Variants in ITCH observed in about 807,000 individuals in gnomAD.
ITCH encodes the protein E3 ubiquitin-protein ligase Itchy homolog.
A neutral mutation model predicts 126.8 loss-of-function variants in ITCH; 28 were observed. The observed-to-expected ratio is 0.22, with a 90% CI of 0.16 to 0.30. The LOEUF (loss-of-function observed/expected upper bound fraction) is 0.30. Among genes scored for constraint, ITCH ranks in the 10% least tolerant of loss-of-function variants. The pLI is 1.00. For missense variants in ITCH, 631 were observed against 1,032.4 expected (o/e 0.61, Z 5.33); for synonymous variants, 342 against 340.0 (o/e 1.01, Z -0.06).
chr20:34,457,272 T>G lies in ITCH; in HGVS notation c.1211-118T>G. 3 of 738,194 alleles carry G rather than the reference T, an allele frequency of 4.1e-6. No homozygotes were observed. The South Asian group carries it at 4.7e-5, about 11-fold the overall frequency. The allele number at this position is 738,194 out of a possible 1,614,324, so 45.7% of individuals were successfully genotyped here. ...CCTTTTAAAGCTGTGATTTAAAAAC[T>G]ATAAAATAAACAATGAAATGAGAAA... On this transcript the variant is annotated intron_variant, in intron 12 of 24. Coordinates refer to ENST00000374864, the MANE Select transcript of ITCH (RefSeq NM_031483.7).
chr20:34,410,932 C>T (rs181618195), intron 4 of ITCH, among the ~76,000 whole-genome samples: 86 of 152,254 alleles, frequency 5.6e-4, no homozygotes, highest in Non-Finnish European at 1.0e-3. Context: ...ATTTGGGAAA[C>T]TTACAATTCA....
At chr20:34,374,993 G>A (rs1452386663) in intron 2 of ITCH, among the ~76,000 whole-genome samples, 5 of 150,778 alleles carry the variant, frequency 3.3e-5, no homozygotes, top group Admixed American at 6.6e-5. Flanking sequence ...CACCCGCCTC[G>A]GCCTCCCAAA....
Position 34,481,113 on chromosome 20 carries a change from A to G in ITCH, c.2000A>G (p.Asp667Gly). Residue 667 changes from aspartate to glycine, a missense_variant, in exon 20 of 25, where the codon GAC (aspartate) becomes GGC (glycine). By Grantham distance (94) the Asp-to-Gly change is moderately conservative. Coordinates refer to ENST00000374864, the MANE Select transcript of ITCH (RefSeq NM_031483.7). ...ECDLEMYFSV[D>G]KEILGEIKSH... ...GATTTGGAAATGTACTTCTCCGTTGACAAAGAAATTCTAGGTGAAATTAAG... is the reference window on the plus strand; with the variant it reads ...GATTTGGAAATGTACTTCTCCGTTGGCAAAGAAATTCTAGGTGAAATTAAG... The G allele has an allele frequency of 1.2e-6, 2 of 1,613,554 alleles. No homozygotes were observed. The highest frequency in any genetic ancestry group is 1.7e-6 in the Non-Finnish European group (2 of 1,179,624).
At chr20:34,425,792 A>G (rs978804446) in intron 7 of ITCH, among the ~76,000 whole-genome samples, 2 of 152,206 alleles carry the variant, frequency 1.3e-5, no homozygotes, top group Admixed American at 6.5e-5. Context: ...TCCCCTCGCC[A>G]AGATAGTAAA....
intron 13 of ITCH, among the ~76,000 whole-genome samples, chr20:34,461,823 CTTGG>C (rs1382223285): frequency 1.3e-5 from 2 of 149,880 alleles, no homozygotes; most frequent in East Asian, 4.0e-4. Flanking sequence ...ATGGTTAGAA[CTTGG>C]TTAACAAAAT....
chr20:34,451,913 A>T (rs1017406329), intron 12 of ITCH, among the ~76,000 whole-genome samples: 8 of 151,970 alleles, frequency 5.3e-5, no homozygotes, highest in Non-Finnish European at 7.4e-5. Flanking sequence ...ATAAAAAAAT[A>T]CAAAAAATAA....
At chr20:34,496,080 T>C (rs932450918) in intron 23 of ITCH, among the ~76,000 whole-genome samples, 6 of 151,982 alleles carry the variant, frequency 3.9e-5, no homozygotes, top group African/African-American at 1.4e-4. Context: ...TCTCAAGAAG[T>C]TAAGAAGAAG....
chr20:34,423,553 C>T (rs1981084743), intron 6 of ITCH, among the ~76,000 whole-genome samples: 2 of 152,080 alleles, frequency 1.3e-5, no homozygotes, highest in African/African-American at 4.8e-5. Context: ...TCCCTGTTTA[C>T]CATTTGTTTT....
chr20:34,396,779 T>G (rs1045178892), intron 3 of ITCH, among the ~76,000 whole-genome samples: 3 of 152,184 alleles, frequency 2.0e-5, no homozygotes, highest in Non-Finnish European at 4.4e-5. Context: ...TCTGTTCACG[T>G]CCTTTGTTTG....
At position 34,442,232 on chromosome 20, in the gene ITCH, C is replaced by T. The variant is rs753960712; in HGVS notation, c.894C>T (p.His298=). 15 of 1,613,852 alleles carry T rather than the reference C, an allele frequency of 9.3e-6. No individual in the cohort carries two copies. Among genetic ancestry groups the T allele is most frequent in the Non-Finnish European group, 1.2e-5 (14 of 1,179,806 alleles). ...GTTGGGAGCAGAGAGTGGACCAGCA[C>T]GGGCGAGTTTACTATGTAGATCATG... ...PPGWEQRVDQ[H]GRVYYVDHVE... is the part of the protein sequence containing the mutation. The change falls in exon 10 of 25, where the codon CAC becomes CAT. Residue 298 remains histidine (H), a synonymous_variant. Coordinates refer to ENST00000374864, the MANE Select transcript of ITCH (RefSeq NM_031483.7).
At chr20:34,440,098 A>G (rs1329200527) in intron 8 of ITCH, 57 bp from the exon 9 acceptor site, 4 of 1,254,276 alleles carry the variant, frequency 3.2e-6, no homozygotes, top group Non-Finnish European at 4.7e-6. Flanking sequence ...TTAAAATTCT[A>G]TCCTGAATTT....
At position 34,438,549 on chromosome 20, in the gene ITCH, T is replaced by C. The variant is rs1353381831; in HGVS notation, c.597T>C (p.Ser199=). Residue 199 remains serine (S), a synonymous_variant, in exon 8 of 25, where the codon TCT becomes TCC. Coordinates refer to ENST00000374864, the MANE Select transcript of ITCH (RefSeq NM_031483.7). ...GENRRVSGNN[S]PSLSNGGFKP... Reference sequence around the variant, plus strand: ...ATAGGAGAGTCAGTGGGAATAATTCTCCATCACTCTCAAATGGTGGTTTTA... The same window carrying C: ...ATAGGAGAGTCAGTGGGAATAATTCCCCATCACTCTCAAATGGTGGTTTTA... The C allele has an allele frequency of 1.2e-6, 2 of 1,613,980 alleles. No individual in the cohort carries two copies. Among genetic ancestry groups the C allele is most frequent in the Non-Finnish European group, 1.7e-6 (2 of 1,179,902 alleles).
chr20:34,468,034 CTT>C (rs35748150), intron 14 of ITCH, among the ~76,000 whole-genome samples: 119 of 121,478 alleles, frequency 9.8e-4, no homozygotes, highest in Admixed American at 9.3e-4. Flanking sequence ...ACCTTGGAAA[CTT>C]TTTTTTTTTT....
chr20:34,368,041 C>T (rs182507404), intron 1 of ITCH, among the ~76,000 whole-genome samples: 118 of 152,116 alleles, frequency 7.8e-4, no homozygotes, highest in South Asian at 2.9e-3. Flanking sequence ...GAGGCTGAAG[C>T]GGGCAGATCA....
chr20:34,394,226 A>AC (rs2038591696), intron 3 of ITCH, among the ~76,000 whole-genome samples: 1 of 151,844 alleles, frequency 6.6e-6, no homozygotes, highest in Non-Finnish European at 1.5e-5. Flanking sequence ...AAAAAAAAAA[A>AC]AAAAAACTTA....
At chr20:34,402,674 A>G (rs1162897566) in intron 3 of ITCH, 9 of 541,262 alleles carry the variant, frequency 1.7e-5, no homozygotes, top group Non-Finnish European at 2.8e-5. Context: ...ATCACCCACA[A>G]CAACACACTT....
chr20:34,448,116 G>A (rs991694265), intron 11 of ITCH, among the ~76,000 whole-genome samples: 10 of 152,170 alleles, frequency 6.6e-5, no homozygotes, highest in South Asian at 2.1e-4. Flanking sequence ...TCAGCCTGGC[G>A]CGGTGGCTCA....
Position 34,509,531 on chromosome 20 carries a change from G to C in ITCH, c.*1737G>C, listed in dbSNP as rs1449072248. The C allele has an allele frequency of 1.3e-5, 2 of 152,636 alleles. No individual in the cohort carries two copies. The highest frequency in any genetic ancestry group is 4.8e-5 in the African/African-American group (2 of 41,458). The allele number at this position is 152,636 out of a possible 1,614,324, so 9.5% of individuals were successfully genotyped here. On this transcript the variant is annotated 3_prime_UTR_variant, in exon 25 of 25. Coordinates refer to ENST00000374864, the MANE Select transcript of ITCH (RefSeq NM_031483.7). ...TGTAAGATACTGCCATCATAAAGCAGAGACTTACATGAGTGAAAGGGTTGC... is the reference window on the plus strand; with the variant it reads ...TGTAAGATACTGCCATCATAAAGCACAGACTTACATGAGTGAAAGGGTTGC...
intron 22 of ITCH, among the ~76,000 whole-genome samples, chr20:34,491,561 T>C (rs1343030493): frequency 7.7e-6 from 1 of 130,666 alleles, no homozygotes; most frequent in Non-Finnish European, 1.7e-5. Flanking sequence ...GTGTATATTT[T>C]ACAAAAATTT....
Sources: gnomAD v4.1 joint callset for allele counts (sites outside exome capture counted in the v4.1 genomes callset) on GRCh38, gnomAD v4.1.1 for gene constraint, MANE v1.5 for transcripts, NCBI Gene and HGNC (gene_info 2026-07-23, HGNC 2026-07-21) for gene names.